The following FMN2 variants were observed in gnomAD, a reference collection of about 807,000 sequenced individuals.
FMN2 encodes formin 2.
A neutral mutation model predicts 142.3 loss-of-function variants in FMN2; 51 were observed. The ratio of observed to expected loss-of-function variants is 0.36; its 90% CI spans 0.29 to 0.45. FMN2 has a LOEUF of 0.45. FMN2 is among the 20% of genes least tolerant of loss of function. The pLI is 1.00. For missense variants in FMN2, 1,936 were observed against 2,122.8 expected (o/e 0.91, Z 1.73); for synonymous variants, 882 against 869.8 (o/e 1.01, Z -0.25).
intron 15 of FMN2, among the ~76,000 whole-genome samples, chr1:240,431,416 A>G (rs1267686565): frequency 2.0e-5 from 3 of 147,624 alleles, no homozygotes; most frequent in Non-Finnish European, 4.5e-5. Flanking sequence ...ATATATATAT[A>G]TATATATACA....
chr1:240,117,734 A>AT (rs1662077121), intron 1 of FMN2, among the ~76,000 whole-genome samples: 1 of 152,202 alleles, frequency 6.6e-6, no homozygotes, highest in Non-Finnish European at 1.5e-5. Context: ...TTGTACATAG[A>AT]TTCATTGATG....
intron 4 of FMN2, among the ~76,000 whole-genome samples, chr1:240,192,247 T>A (rs184860558): frequency 6.6e-6 from 1 of 152,164 alleles, no homozygotes; most frequent in South Asian, 2.1e-4. Context: ...AGGAAACAGA[T>A]GGAGTAATGT....
chr1:240,243,849 C>G (rs1041660916), intron 6 of FMN2, among the ~76,000 whole-genome samples: 2 of 152,138 alleles, frequency 1.3e-5, no homozygotes, highest in African/African-American at 2.4e-5. Context: ...GGGAATTGTT[C>G]TCTTTGCCTT....
At chr1:240,350,459 A>G (rs1261786240) in intron 13 of FMN2, among the ~76,000 whole-genome samples, 2 of 152,222 alleles carry the variant, frequency 1.3e-5, no homozygotes, top group Non-Finnish European at 2.9e-5. Flanking sequence ...GGTGAATAGG[A>G]TAGCCCTTGG....
At chr1:240,323,341 T>A (rs1671047163) in intron 8 of FMN2, among the ~76,000 whole-genome samples, 1 of 151,934 alleles carries the variant, frequency 6.6e-6, no homozygotes, top group South Asian at 2.1e-4. Context: ...AATACAGGCA[T>A]CTGCCACCAC....
At position 240,140,076 on chromosome 1, in the gene FMN2, T is replaced by C. The variant is rs534001682; in HGVS notation, c.1782+16731T>C. ...TGGTGAGTGGTCTGCTGGCTAAGAT[T>C]GCGTGAAGGTGAGTGCTTGCATTGG... On this transcript the variant is annotated intron_variant, in intron 2 of 17. Coordinates refer to ENST00000319653, the MANE Select transcript of FMN2 (RefSeq NM_020066.5). 2.6e-5 allele frequency among the ~76,000 whole-genome samples: 4 copies of C among 152,244 alleles called. No individual in the cohort carries two copies. In the South Asian group the frequency reaches 8.3e-4, roughly 32 times the overall value.
intron 6 of FMN2, among the ~76,000 whole-genome samples, chr1:240,220,637 A>G (rs1030165775): frequency 6.6e-6 from 1 of 151,324 alleles, no homozygotes; most frequent in African/African-American, 2.4e-5. Flanking sequence ...ACCAAAACCA[A>G]GCGGAAGCTT....
intron 1 of FMN2, among the ~76,000 whole-genome samples, chr1:240,103,934 T>G (rs143756067): frequency 0.016 from 2,365 of 151,944 alleles, 66 homozygotes; most frequent in African/African-American, 0.054. Flanking sequence ...TGGAGTGCAG[T>G]GGTGCGATCT....
intron 4 of FMN2, among the ~76,000 whole-genome samples, chr1:240,188,578 G>A (rs1665576855): frequency 6.6e-6 from 1 of 152,198 alleles, no homozygotes; most frequent in African/African-American, 2.4e-5. Context: ...AAGTCTGCGA[G>A]ATGTGCCTGC....
intron 16 of FMN2, among the ~76,000 whole-genome samples, chr1:240,445,416 AG>A (rs1202973619): frequency 1.3e-5 from 2 of 152,210 alleles, no homozygotes; most frequent in Non-Finnish European, 2.9e-5. Flanking sequence ...GGTTGGTCAG[AG>A]GAGGCCTTTC....
chr1:240,157,841 A>G (rs910964622), intron 2 of FMN2, among the ~76,000 whole-genome samples: 1 of 152,012 alleles, frequency 6.6e-6, no homozygotes, highest in Non-Finnish European at 1.5e-5. Flanking sequence ...TTATAAATAT[A>G]TATCACTGAA....
At chr1:240,322,475 C>T (rs17627620) in intron 8 of FMN2, among the ~76,000 whole-genome samples, 10,397 of 152,084 alleles carry the variant, frequency 0.068, 406 homozygotes, top group South Asian at 0.12. Context: ...GGCTTTGCTA[C>T]GACAGAGAGA....
chr1:240,271,125 T>C (rs1668999222), intron 7 of FMN2, among the ~76,000 whole-genome samples: 2 of 130,544 alleles, frequency 1.5e-5, no homozygotes, highest in South Asian at 4.9e-4. Context: ...TTTGTGACTC[T>C]GTTTGCATGT....
intron 7 of FMN2, among the ~76,000 whole-genome samples, chr1:240,266,564 A>G (rs1053726167): frequency 6.6e-5 from 10 of 152,140 alleles, no homozygotes; most frequent in Admixed American, 5.9e-4. Flanking sequence ...TTGGCTGTGT[A>G]ATGTTCCGTG....
intron 2 of FMN2, among the ~76,000 whole-genome samples, chr1:240,169,916 T>C (rs7551526): frequency 0.26 from 39,936 of 152,026 alleles, 5,321 homozygotes; most frequent in South Asian, 0.34. Flanking sequence ...ATCTGGGATA[T>C]AGTTACCATA....
chr1:240,186,673 C>T (rs1185545030), intron 3 of FMN2, among the ~76,000 whole-genome samples: 2 of 152,038 alleles, frequency 1.3e-5, no homozygotes, highest in Non-Finnish European at 2.9e-5. Flanking sequence ...GCTTTGGCGG[C>T]CCTATGGAAG....
intron 14 of FMN2, among the ~76,000 whole-genome samples, chr1:240,364,019 T>C (rs746602476): frequency 2.0e-5 from 3 of 152,154 alleles, no homozygotes; most frequent in Middle Eastern, 3.2e-3. Flanking sequence ...TAACAATTAT[T>C]AAACCTTAAT....
chr1:240,263,986 A>G (rs1207550896), intron 7 of FMN2, among the ~76,000 whole-genome samples: 1 of 152,208 alleles, frequency 6.6e-6, no homozygotes, highest in Non-Finnish European at 1.5e-5. Flanking sequence ...ATGAGATAAT[A>G]ATGTAAACTA....
chr1:240,165,205 T>C (rs1210998154), intron 2 of FMN2, among the ~76,000 whole-genome samples: 1 of 152,218 alleles, frequency 6.6e-6, no homozygotes, highest in Non-Finnish European at 1.5e-5. Flanking sequence ...AATCAGGGTC[T>C]CATGTTGTTT....
Sources: allele counts gnomAD v4.1 joint callset (sites outside exome capture counted in the v4.1 genomes callset), GRCh38; gene constraint gnomAD v4.1.1; transcripts MANE v1.5; gene names NCBI Gene and HGNC (gene_info 2026-07-23, HGNC 2026-07-21).